TACC1: variants seen among roughly 807,000 people sequenced by gnomAD.
The protein encoded by TACC1 is transforming acidic coiled-coil-containing protein 1.
A neutral mutation model predicts 84.4 loss-of-function variants in TACC1; 48 were observed. The ratio of observed to expected loss-of-function variants is 0.57; its 90% CI spans 0.45 to 0.72. TACC1 has a LOEUF of 0.72. Among genes scored for constraint, TACC1 ranks in the 30% least tolerant of loss-of-function variants. The pLI is 0.00. For synonymous variants in TACC1, 372 were observed against 376.3 expected (o/e 0.99, Z 0.13); for missense variants, 920 against 973.0 (o/e 0.95, Z 0.72).
upstream of TACC1, chr8:38,728,584 G>A (rs544914572): frequency 1.3e-5 from 2 of 152,386 alleles, no homozygotes; most frequent in South Asian, 4.1e-4. Context: ...GCTTCCCCAG[G>A]AGAGATGCGA....
At chr8:38,728,753 C>T (rs950164684) in intron 1 of TACC1, 2 of 152,274 alleles carry the variant, frequency 1.3e-5, no homozygotes, top group African/African-American at 2.4e-5. Context: ...AAGCCTGGGG[C>T]TGAGGTGTTT....
Position 38,827,333 on chromosome 8 carries a change from C to T in TACC1, c.1618C>T (p.Pro540Ser). 2 of 1,614,194 alleles carry T rather than the reference C, an allele frequency of 1.2e-6. No individual in the cohort carries two copies. Among genetic ancestry groups the T allele is most frequent in the Non-Finnish European group, 1.7e-6 (2 of 1,180,036 alleles). The stretch of plus-strand genomic sequence containing the variant: ...GGAGTACTTTGAATGTTCCAATGTT[C>T]CTGTGTCTACCATAAATCATGCGTT... ...DLEYFECSNV[P>S]VSTINHAFSS... The change falls in exon 5 of 13, where the codon CCT (proline) becomes TCT (serine). Residue 540 changes from proline (P) to serine (S), a missense_variant. This residue lies in a region of TACC1 where 762 missense variants were observed against 747.3 expected (regional missense o/e 1.02). Coordinates refer to ENST00000317827, the MANE Select transcript of TACC1 (RefSeq NM_006283.3).
intron 1 of TACC1, among the ~76,000 whole-genome samples, chr8:38,732,955 C>T (rs965008997): frequency 6.6e-6 from 1 of 152,164 alleles, no homozygotes; most frequent in Non-Finnish European, 1.5e-5. Context: ...ATGGGCACAG[C>T]GCTAGTGTGG....
intron 9 of TACC1, among the ~76,000 whole-genome samples, chr8:38,841,414 G>T (rs913250897): frequency 1.1e-4 from 16 of 152,250 alleles, no homozygotes; most frequent in Non-Finnish European, 2.4e-4. Flanking sequence ...ACCAAAAGAA[G>T]AACACTTGTT....
intron 2 of TACC1, among the ~76,000 whole-genome samples, chr8:38,790,582 A>C (rs1587706705): frequency 6.6e-6 from 1 of 152,146 alleles, no homozygotes; most frequent in African/African-American, 2.4e-5. Context: ...TTATCTAGCT[A>C]CCTAAACTTT....
chr8:38,795,655 A>G (rs1033171153), intron 2 of TACC1, among the ~76,000 whole-genome samples: 1 of 152,224 alleles, frequency 6.6e-6, no homozygotes, highest in African/African-American at 2.4e-5. Context: ...TCCTAAATCC[A>G]GAGTAGCGAT....
chr8:38,818,870 C>T (rs1400527750), intron 2 of TACC1, among the ~76,000 whole-genome samples: 3 of 151,768 alleles, frequency 2.0e-5, no homozygotes, highest in African/African-American at 2.4e-5. Flanking sequence ...CTCCATCTCC[C>T]GGGTTCAAGT....
intron 3 of TACC1, among the ~76,000 whole-genome samples, chr8:38,753,970 T>C (rs1809543957): frequency 7.0e-6 from 1 of 143,734 alleles, no homozygotes; most frequent in South Asian, 2.1e-4. Context: ...GTTTTTTTTT[T>C]TGAGGCAGAG....
chr8:38,769,215 G>A (rs1026877603), intron 3 of TACC1, among the ~76,000 whole-genome samples: 7 of 147,678 alleles, frequency 4.7e-5, no homozygotes, highest in Admixed American at 4.1e-4. Context: ...ATTGTGTGGT[G>A]TGTGTATGTG....
chr8:38,761,369 A>G lies in TACC1; in HGVS notation c.26+15876A>G, dbSNP rs150008826. Among the ~76,000 whole-genome samples, 440 of 152,372 alleles carry G rather than the reference A, an allele frequency of 2.9e-3. 2 individuals are homozygous for G. The highest frequency in any genetic ancestry group is 9.9e-3 in the African/African-American group (411 of 41,588). ...GTCAATTCTTACTAGTTAAGTTTCC[A>G]GACCAATCGTTTGCATTTGGAATTT... On this transcript the variant is annotated intron_variant, in intron 3 of 14. Transcript: ENST00000518415.
chr8:38,847,926 C>A (rs1389926015), intron 12 of TACC1, 29 bp from the exon 13 acceptor site: 2 of 1,595,414 alleles, frequency 1.3e-6, no homozygotes, highest in East Asian at 2.2e-5. Flanking sequence ...TACAAAGTGG[C>A]CTGCATAATT....
intron 3 of TACC1, among the ~76,000 whole-genome samples, chr8:38,773,102 T>G (rs911778779): frequency 3.3e-5 from 5 of 152,078 alleles, no homozygotes; most frequent in African/African-American, 1.2e-4. Context: ...CCGAGGCAGG[T>G]GGATCACAAG....
chr8:38,745,304 CA>C (rs1267260564), exon 3 of TACC1: 1 of 523,618 alleles, frequency 1.9e-6, no homozygotes, highest in Non-Finnish European at 3.4e-6. Flanking sequence ...ACCTGCAAAA[CA>C]AAGGAAAAAC....
At chr8:38,824,010 TTC>T (rs767951895) in intron 3 of TACC1, 4 of 1,352,080 alleles carry the variant, frequency 3.0e-6, no homozygotes, top group African/African-American at 2.9e-5. Context: ...CAAGTGAAAT[TTC>T]TCTGTTTTCT....
intron 2 of TACC1, among the ~76,000 whole-genome samples, chr8:38,790,705 C>T (rs113684999): frequency 0.024 from 3,601 of 152,298 alleles, 131 homozygotes; most frequent in African/African-American, 0.075. Context: ...CATGATGGAG[C>T]TGGAATTATT....
At chr8:38,820,774 C>T (rs1826605757) in intron 3 of TACC1, 139 bp downstream of exon 3, 5 of 1,173,604 alleles carry the variant, frequency 4.3e-6, no homozygotes, top group Non-Finnish European at 5.9e-6. Flanking sequence ...TGTTATCCTG[C>T]AGTCTTCACT....
chr8:38,820,146 A>G lies in TACC1; in HGVS notation c.902A>G (p.Asp301Gly), dbSNP rs1410194641. ...LKETPGTLSSDTNDSGVELGE... is the reference protein window; with the variant it reads ...LKETPGTLSSGTNDSGVELGE... ...GAAACTCCCGGCACTCTCAGTAGTG[A>G]CACCAACGACTCAGGGGTTGAGCTG... The change falls in exon 3 of 13, where the codon GAC becomes GGC. Residue 301 changes from aspartate to glycine, a missense_variant. Around this residue, in one of 2 missense-constraint regions of TACC1, gnomAD observed 762 missense variants for 747.3 expected, o/e 1.02. Transcript: ENST00000317827. 1 of 1,614,144 alleles carries G rather than the reference A, an allele frequency of 6.2e-7. No individual in the cohort carries two copies. Among genetic ancestry groups the G allele is most frequent in the Non-Finnish European group, 8.5e-7 (1 of 1,180,030 alleles).
chr8:38,834,817 A>G (rs375545432), intron 6 of TACC1, among the ~76,000 whole-genome samples: 1 of 152,346 alleles, frequency 6.6e-6, no homozygotes, highest in East Asian at 1.9e-4. Context: ...CTTTCTGTTT[A>G]GTGTTGATTC....
Position 38,838,491 on chromosome 8 carries a change from G to A in TACC1, c.1861G>A (p.Ala621Thr). 1.2e-6 allele frequency: 2 copies of A among 1,613,672 alleles called. No homozygotes were observed. Among genetic ancestry groups the A allele is most frequent in the Non-Finnish European group, 1.7e-6 (2 of 1,179,626 alleles). Reference sequence around the variant, plus strand: ...CTAGATAATTACTAAAGAGATTGAAGCAAATGAATGGAAGAAGAAATACGA... The same window carrying A: ...CTAGATAATTACTAAAGAGATTGAAACAAATGAATGGAAGAAGAAATACGA... ...REEIITKEIE[A>T]NEWKKKYEET... Residue 621 changes from alanine (A) to threonine (T), a missense_variant, in exon 8 of 13, where the codon GCA becomes ACA. Transcript: ENST00000317827.
Sources: allele counts gnomAD v4.1 joint callset (sites outside exome capture counted in the v4.1 genomes callset), GRCh38; gene constraint gnomAD v4.1.1; regional missense constraint gnomAD v4.1.1; transcripts MANE v1.5; gene names NCBI Gene and HGNC (gene_info 2026-07-23, HGNC 2026-07-21).